RBFOX1: variants seen among roughly 807,000 people sequenced by gnomAD.
The protein encoded by RBFOX1 is RNA binding protein fox-1 homolog 1.
Under a neutral mutation model 57.7 loss-of-function variants are expected in RBFOX1, and 8 were observed. That is an observed-to-expected ratio of 0.14 (90% CI 0.08 to 0.25). The LOEUF (loss-of-function observed/expected upper bound fraction) is 0.25, where lower values mean the gene tolerates loss of function less well. RBFOX1 is among the 10% of genes least tolerant of loss of function. RBFOX1 has a pLI of 1.00. For synonymous variants in RBFOX1, 326 were observed against 222.4 expected, an observed-to-expected ratio of 1.47 and a Z score of -4.15; for missense variants, 611 against 548.5, an observed-to-expected ratio of 1.11 and a Z score of -1.14.
At chr16:6,526,355 T>C (rs1037821062) in intron 2 of RBFOX1, among the ~76,000 whole-genome samples, 6 of 152,176 alleles carry the variant, frequency 3.9e-5, no homozygotes, top group Non-Finnish European at 7.3e-5. Flanking sequence ...CATCCAGTTA[T>C]GTTGTGAAAG....
At chr16:5,813,188 A>G (rs1307891351) in intron 3 of RBFOX1, among the ~76,000 whole-genome samples, 3 of 152,016 alleles carry the variant, frequency 2.0e-5, no homozygotes, top group Non-Finnish European at 4.4e-5. Context: ...TTGTATTTTT[A>G]GTAGAGACGG....
At chr16:6,623,447 T>TC (rs1327788699) in intron 2 of RBFOX1, among the ~76,000 whole-genome samples, 2 of 151,178 alleles carry the variant, frequency 1.3e-5, no homozygotes, top group Non-Finnish European at 3.0e-5. Context: ...AAAATTCTTT[T>TC]TTTTTTTTTA....
At position 6,054,364 on chromosome 16, in the gene RBFOX1, T is replaced by A. The variant is rs181622252; in HGVS notation, c.-127+34372T>A. Among the ~76,000 whole-genome samples the A allele has an allele frequency of 3.3e-5, 5 of 151,506 alleles. No homozygotes were observed. In the East Asian group the frequency reaches 9.6e-4, roughly 29 times the overall value. On this transcript the variant is annotated intron_variant, in intron 1 of 15. Coordinates refer to ENST00000550418, the MANE Select transcript of RBFOX1 (RefSeq NM_018723.4). Reference sequence around the variant, plus strand: ...CTAATTCTGTAATTACAGCAGTGGGTGGTATGTTTTGAGGTTTTATTAAGT... The same window carrying A: ...CTAATTCTGTAATTACAGCAGTGGGAGGTATGTTTTGAGGTTTTATTAAGT...
In RBFOX1 at chr16:7,131,560, G is replaced by T. The variant is rs563629148; in HGVS notation, c.27+79462G>T. On this transcript the variant is annotated intron_variant, in intron 4 of 15. Transcript: ENST00000550418. ...ACCTAGCTGGCAAGTGATTGGAACT[G>T]AGGTTTGAACCATGTTCATTTGACT... Among the ~76,000 whole-genome samples the T allele has an allele frequency of 2.6e-5, 4 of 151,822 alleles. No individual in the cohort carries two copies. The East Asian group carries it at 5.9e-4, about 22-fold the overall frequency.
intron 6 of RBFOX1, among the ~76,000 whole-genome samples, chr16:7,581,430 G>A (rs997155569): frequency 1.3e-5 from 2 of 152,138 alleles, no homozygotes; most frequent in Admixed American, 1.3e-4. Flanking sequence ...AAGACATCTT[G>A]CTATGCAGTC....
intron 4 of RBFOX1, among the ~76,000 whole-genome samples, chr16:7,355,957 T>A (rs1490607158): frequency 1.3e-5 from 2 of 152,174 alleles, no homozygotes; most frequent in African/African-American, 4.8e-5. Flanking sequence ...ATATTTTCTT[T>A]CAGTGAGAGA....
intron 1 of RBFOX1, among the ~76,000 whole-genome samples, chr16:5,446,404 C>G (rs2068240431): frequency 6.6e-6 from 1 of 152,158 alleles, no homozygotes; most frequent in South Asian, 2.1e-4. Context: ...GGAAATGTTT[C>G]TTTCCTCTTT....
intron 2 of RBFOX1, among the ~76,000 whole-genome samples, chr16:6,388,350 C>G (rs1022598455): frequency 6.6e-6 from 1 of 151,668 alleles, no homozygotes; most frequent in Non-Finnish European, 1.5e-5. Context: ...CCATGTGGAG[C>G]GTAGGAATGA....
chr16:5,986,617 T>C (rs2060291781), intron 4 of RBFOX1, among the ~76,000 whole-genome samples: 1 of 152,238 alleles, frequency 6.6e-6, no homozygotes, highest in African/African-American at 2.4e-5. Context: ...TAAAATGTTA[T>C]ATACATAGAA....
At chr16:7,317,110 G>C (rs967692433) in intron 4 of RBFOX1, among the ~76,000 whole-genome samples, 1 of 151,998 alleles carries the variant, frequency 6.6e-6, no homozygotes, top group Non-Finnish European at 1.5e-5. Context: ...AGCTGAGGAC[G>C]GGGGTGTCAA....
intron 1 of RBFOX1, among the ~76,000 whole-genome samples, chr16:6,065,027 CTTTT>C (rs893364785): frequency 1.0e-4 from 15 of 149,536 alleles, no homozygotes; most frequent in African/African-American, 3.4e-4. Context: ...TTCTTTCTTT[CTTTT>C]TTTTTCTTTT....
intron 3 of RBFOX1, among the ~76,000 whole-genome samples, chr16:6,930,433 A>C (rs1254914548): frequency 1.3e-5 from 2 of 152,140 alleles, no homozygotes; most frequent in Non-Finnish European, 2.9e-5. Context: ...TTGTTGAGAA[A>C]CAGTCTCACT....
At chr16:5,721,443 C>T (rs990684348) in intron 3 of RBFOX1, among the ~76,000 whole-genome samples, 1 of 152,168 alleles carries the variant, frequency 6.6e-6, no homozygotes, top group Non-Finnish European at 1.5e-5. Context: ...CCTTTCCAAG[C>T]CGGATGCCTT....
At chr16:6,671,408 GA>G (rs1347502354) in intron 3 of RBFOX1, among the ~76,000 whole-genome samples, 1 of 152,160 alleles carries the variant, frequency 6.6e-6, no homozygotes, top group Non-Finnish European at 1.5e-5. Context: ...GCATGGAAAA[GA>G]GAAATATTCA....
chr16:7,183,383 C>T (rs1053221058), intron 4 of RBFOX1, among the ~76,000 whole-genome samples: 1 of 152,174 alleles, frequency 6.6e-6, no homozygotes, highest in African/African-American at 2.4e-5. Flanking sequence ...ACCTGAAAAT[C>T]TTTACCAGCA....
At chr16:5,897,834 CT>C (rs59833852) in intron 4 of RBFOX1, among the ~76,000 whole-genome samples, 30,160 of 140,390 alleles carry the variant, frequency 0.21, 2,957 homozygotes, top group Middle Eastern at 0.29. Context: ...TTTAACTTCT[CT>C]TTTTTTTTTT....
chr16:6,710,531 G>A (rs1017415618), intron 3 of RBFOX1, among the ~76,000 whole-genome samples: 8 of 152,316 alleles, frequency 5.3e-5, no homozygotes, highest in African/African-American at 1.9e-4. Context: ...ACCTCAAAAG[G>A]TGATGGTTAC....
chr16:7,007,692 C>A (rs907832956), intron 3 of RBFOX1, among the ~76,000 whole-genome samples: 9 of 152,138 alleles, frequency 5.9e-5, no homozygotes, highest in African/African-American at 2.2e-4. Flanking sequence ...TTTGCATGTA[C>A]TTTTGCTGCT....
intron 3 of RBFOX1, among the ~76,000 whole-genome samples, chr16:6,709,250 A>G (rs1237858267): frequency 6.6e-6 from 1 of 152,190 alleles, no homozygotes; most frequent in South Asian, 2.1e-4. Flanking sequence ...GTTTCACACG[A>G]GCGGATGCAA....
Sources: gnomAD v4.1 joint callset for allele counts (sites outside exome capture counted in the v4.1 genomes callset) on GRCh38, gnomAD v4.1.1 for gene constraint, MANE v1.5 for transcripts, NCBI Gene and HGNC (gene_info 2026-07-23, HGNC 2026-07-21) for gene names.